OPCML: variants seen among roughly 807,000 people sequenced by gnomAD.
The protein encoded by OPCML is opioid binding protein/cell adhesion molecule like.
In OPCML, 13 loss-of-function variants were observed where a neutral mutation model predicts 37.8. The ratio of observed to expected loss-of-function variants is 0.34; its 90% CI spans 0.22 to 0.55. The LOEUF (loss-of-function observed/expected upper bound fraction) is 0.55. OPCML is among the 20% of genes least tolerant of loss of function. OPCML has a pLI of 0.91. For missense variants in OPCML, 341 were observed against 435.6 expected (o/e 0.78, Z 1.93); for synonymous variants, 176 against 168.8 (o/e 1.04, Z -0.33).
intron 1 of OPCML, among the ~76,000 whole-genome samples, chr11:132,962,337 C>T (rs575414394): frequency 1.3e-5 from 2 of 152,346 alleles, no homozygotes; most frequent in African/African-American, 4.8e-5. Flanking sequence ...TCACCCTCCC[C>T]CATCATGATG....
intron 1 of OPCML, chr11:133,422,767 A>T (rs1481638342): frequency 1.1e-6 from 1 of 914,380 alleles, no homozygotes; most frequent in East Asian, 1.2e-4. Context: ...TATTAATAAT[A>T]AAGTATTTAT....
At chr11:132,843,764 C>T (rs571693899) in intron 2 of OPCML, among the ~76,000 whole-genome samples, 24 of 152,296 alleles carry the variant, frequency 1.6e-4, no homozygotes, top group South Asian at 2.1e-4. Flanking sequence ...GAAGGACAGG[C>T]GAATGCTGCC....
intron 3 of OPCML, among the ~76,000 whole-genome samples, chr11:132,615,847 C>G (rs1938972373): frequency 6.6e-6 from 1 of 151,904 alleles, no homozygotes; most frequent in African/African-American, 2.4e-5. Context: ...GAATCATAGG[C>G]AAAGTATATG....
chr11:132,420,985 TTC>T (rs35522430), intron 7 of OPCML, among the ~76,000 whole-genome samples: 73,102 of 149,440 alleles, frequency 0.49, 19,819 homozygotes, highest in African/African-American at 0.76. Context: ...TTTTTCTAGC[TTC>T]TCTCTCTCTC....
intron 1 of OPCML, among the ~76,000 whole-genome samples, chr11:133,159,614 G>A (rs1950114601): frequency 1.3e-5 from 2 of 152,212 alleles, no homozygotes; most frequent in Admixed American, 6.5e-5. Context: ...GCATTCAAGA[G>A]CGAAGTAATA....
intron 2 of OPCML, among the ~76,000 whole-genome samples, chr11:132,689,179 A>G (rs1425574104): frequency 6.6e-6 from 1 of 152,194 alleles, no homozygotes. Flanking sequence ...TTCAGAATAT[A>G]CAAAGAAAAC....
At chr11:133,010,216 C>T (rs1223787991) in intron 1 of OPCML, among the ~76,000 whole-genome samples, 3 of 152,202 alleles carry the variant, frequency 2.0e-5, no homozygotes, top group South Asian at 4.1e-4. Context: ...TCACAGCTCC[C>T]GTCCTTCTTT....
intron 1 of OPCML, among the ~76,000 whole-genome samples, chr11:133,236,337 C>T (rs530003484): frequency 2.0e-5 from 3 of 152,252 alleles, no homozygotes; most frequent in East Asian, 1.9e-4. Flanking sequence ...CATCATGCTA[C>T]GTAGAATCGC....
At chr11:133,476,627 G>A (rs1416551502) in intron 1 of OPCML, among the ~76,000 whole-genome samples, 1 of 152,194 alleles carries the variant, frequency 6.6e-6, no homozygotes, top group African/African-American at 2.4e-5. Context: ...AGTGGGCAAT[G>A]CAGCAATGAA....
intron 2 of OPCML, among the ~76,000 whole-genome samples, chr11:132,883,548 G>A (rs1943297539): frequency 1.3e-5 from 2 of 152,194 alleles, no homozygotes; most frequent in Non-Finnish European, 1.5e-5. Context: ...GCATTTGGAA[G>A]ACTGTCTTAT....
intron 1 of OPCML, among the ~76,000 whole-genome samples, chr11:133,186,589 T>A (rs1592084668): frequency 1.3e-5 from 2 of 152,172 alleles, no homozygotes; most frequent in Non-Finnish European, 2.9e-5. Context: ...TCCTCGCTAT[T>A]CTCAGCTCAC....
chr11:132,548,568 T>C (rs1366599473), intron 3 of OPCML, among the ~76,000 whole-genome samples: 1 of 152,148 alleles, frequency 6.6e-6, no homozygotes, highest in Non-Finnish European at 1.5e-5. Context: ...AAAATAACAA[T>C]ATTAGCACAA....
intron 1 of OPCML, among the ~76,000 whole-genome samples, chr11:132,985,050 C>T (rs992647832): frequency 2.0e-5 from 3 of 152,176 alleles, no homozygotes; most frequent in Non-Finnish European, 2.9e-5. Flanking sequence ...TCAGCACCTT[C>T]CATTTACTCT....
At chr11:133,147,673 G>T (rs541991161) in intron 1 of OPCML, among the ~76,000 whole-genome samples, 11 of 152,206 alleles carry the variant, frequency 7.2e-5, no homozygotes, top group Non-Finnish European at 1.5e-4. Context: ...GATGTAACCC[G>T]CCCTGCTCCC....
chr11:132,698,202 T>G (rs1344049690), intron 2 of OPCML, among the ~76,000 whole-genome samples: 1 of 151,980 alleles, frequency 6.6e-6, no homozygotes, highest in African/African-American at 2.4e-5. Context: ...CTCTTTTTAA[T>G]TTTTTGAGGA....
intron 3 of OPCML, among the ~76,000 whole-genome samples, chr11:132,571,274 C>G (rs547864298): frequency 1.3e-5 from 2 of 152,218 alleles, no homozygotes; most frequent in Admixed American, 1.3e-4. Flanking sequence ...GCTTTTGAGA[C>G]TTTTGAACTG....
At chr11:133,379,779 G>A (rs1280270520) in intron 1 of OPCML, among the ~76,000 whole-genome samples, 1 of 152,132 alleles carries the variant, frequency 6.6e-6, no homozygotes, top group Non-Finnish European at 1.5e-5. Context: ...GCTATTGTTG[G>A]AAGATCCACA....
intron 1 of OPCML, among the ~76,000 whole-genome samples, chr11:133,294,815 C>CTTTTTTTTTTTTTTTTTTTTTTTTTTTT (rs59382534): frequency 6.4e-4 from 36 of 56,550 alleles, no homozygotes; most frequent in Non-Finnish European, 7.7e-4. Context: ...TTCTTTCTTT[C>CTTTTTTTTTTTTTTTTTTTTTTTTTTTT]TTTTTTTTTT....
intron 2 of OPCML, among the ~76,000 whole-genome samples, chr11:132,759,764 A>AT (rs1419070869): frequency 6.6e-6 from 1 of 151,898 alleles, no homozygotes; most frequent in Non-Finnish European, 1.5e-5. Flanking sequence ...GGATTCATTG[A>AT]TTTTTTGAAG....
Sources: allele counts gnomAD v4.1 joint callset (sites outside exome capture counted in the v4.1 genomes callset), GRCh38; gene constraint gnomAD v4.1.1; transcripts MANE v1.5; gene names NCBI Gene and HGNC (gene_info 2026-07-23, HGNC 2026-07-21).